Variants in GPC5 observed in about 807,000 individuals in gnomAD.
GPC5 encodes glypican 5.
Under a neutral mutation model 53.9 loss-of-function variants are expected in GPC5, and 47 were observed. That is an observed-to-expected ratio of 0.87 (90% CI 0.69 to 1.11). The LOEUF (loss-of-function observed/expected upper bound fraction) is 1.11. Among genes scored for constraint, GPC5 ranks in the 50% most tolerant of loss-of-function variants. The pLI is 0.00. For missense variants in GPC5, 748 were observed against 713.1 expected, an observed-to-expected ratio of 1.05 and a Z score of -0.56; for synonymous variants, 286 against 263.3, an observed-to-expected ratio of 1.09 and a Z score of -0.84.
At chr13:92,864,318 G>A (rs1879275633) in intron 7 of GPC5, among the ~76,000 whole-genome samples, 1 of 152,074 alleles carries the variant, frequency 6.6e-6, no homozygotes, top group African/African-American at 2.4e-5. Context: ...CTGATTGAAG[G>A]CAGAAAAGCT....
chr13:92,290,777 C>T (rs1308841553), intron 7 of GPC5, among the ~76,000 whole-genome samples: 1 of 152,204 alleles, frequency 6.6e-6, no homozygotes, highest in Non-Finnish European at 1.5e-5. Context: ...TCTGGGCTCC[C>T]ACTTTGGCGG....
At chr13:92,839,955 C>T (rs1439700136) in intron 7 of GPC5, among the ~76,000 whole-genome samples, 1 of 151,496 alleles carries the variant, frequency 6.6e-6, no homozygotes, top group East Asian at 1.9e-4. Flanking sequence ...AATCCCTCCA[C>T]AAATTTATTA....
intron 7 of GPC5, among the ~76,000 whole-genome samples, chr13:92,370,605 A>C (rs2043642330): frequency 1.3e-5 from 2 of 149,310 alleles, no homozygotes; most frequent in Admixed American, 6.6e-5. Flanking sequence ...AAATTAACTC[A>C]GAGTCACTTC....
At chr13:92,006,692 T>C (rs2138764839) in intron 6 of GPC5, among the ~76,000 whole-genome samples, 1 of 152,274 alleles carries the variant, frequency 6.6e-6, no homozygotes, top group East Asian at 1.9e-4. Context: ...AAGATGCTTG[T>C]ATTTCTCAGT....
At chr13:91,690,586 T>A (rs144956912) in intron 2 of GPC5, among the ~76,000 whole-genome samples, 2 of 152,224 alleles carry the variant, frequency 1.3e-5, no homozygotes, top group South Asian at 4.1e-4. Flanking sequence ...TAAATTACTT[T>A]GTAAAACATA....
intron 5 of GPC5, among the ~76,000 whole-genome samples, chr13:91,856,038 T>C (rs2038963584): frequency 3.3e-5 from 5 of 151,588 alleles, no homozygotes; most frequent in Admixed American, 3.3e-4. Flanking sequence ...TTGTCTGTTC[T>C]TGGACTTCAT....
chr13:91,519,673 T>C (rs1004657406), intron 2 of GPC5, among the ~76,000 whole-genome samples: 1 of 152,230 alleles, frequency 6.6e-6, no homozygotes. Flanking sequence ...GTCTCAGGTA[T>C]GTCTTTATAG....
At chr13:91,488,213 A>G (rs922238829) in intron 2 of GPC5, among the ~76,000 whole-genome samples, 5 of 152,168 alleles carry the variant, frequency 3.3e-5, no homozygotes, top group Non-Finnish European at 1.5e-5. Context: ...GTTTGATGTA[A>G]AACTGATGTT....
chr13:92,744,012 GGTGGCAGCGGTGGA>G (rs1220314299), intron 7 of GPC5, among the ~76,000 whole-genome samples: 1 of 152,074 alleles, frequency 6.6e-6, no homozygotes, highest in Non-Finnish European at 1.5e-5. Flanking sequence ...TGAGTAAAAT[GGTGGCAGCGGTGGA>G]GTGGCAGGGA....
intron 7 of GPC5, among the ~76,000 whole-genome samples, chr13:92,204,485 G>A (rs911164297): frequency 1.6e-4 from 25 of 152,084 alleles, no homozygotes; most frequent in Non-Finnish European, 1.5e-5. Flanking sequence ...CCCAGACTTC[G>A]GAAACCAACA....
At position 91,470,671 on chromosome 13, in the gene GPC5, C is replaced by T. The variant is rs115666164; in HGVS notation, c.325+21749C>T. On this transcript the variant is annotated intron_variant, in intron 2 of 7. Coordinates refer to ENST00000377067, the MANE Select transcript of GPC5 (RefSeq NM_004466.6). ...CCCTTTTTATCTCAGGCACCATAAC[C>T]TTGATACTATTTTAACTTACCTGTT... Among the ~76,000 whole-genome samples the T allele has an allele frequency of 6.8e-3, 1,037 of 152,184 alleles. 12 individuals are homozygous for T. Among genetic ancestry groups the T allele is most frequent in the African/African-American group, 0.019 (781 of 41,520 alleles).
intron 6 of GPC5, among the ~76,000 whole-genome samples, chr13:92,074,655 C>G (rs187117969): frequency 1.8e-4 from 27 of 152,180 alleles, no homozygotes; most frequent in African/African-American, 6.5e-4. Flanking sequence ...TATTGAGTAT[C>G]GTGAGACAAT....
At chr13:92,248,349 T>C (rs897956335) in intron 7 of GPC5, among the ~76,000 whole-genome samples, 1 of 152,140 alleles carries the variant, frequency 6.6e-6, no homozygotes, top group South Asian at 2.1e-4. Context: ...AAAGTTCAGA[T>C]GTGAAATAAA....
At chr13:92,207,813 T>A (rs1295013467) in intron 7 of GPC5, among the ~76,000 whole-genome samples, 1 of 152,252 alleles carries the variant, frequency 6.6e-6, no homozygotes, top group East Asian at 1.9e-4. Context: ...TCCAAGTTGG[T>A]GCAATATATT....
chr13:91,925,341 T>C (rs1033124020), intron 6 of GPC5, among the ~76,000 whole-genome samples: 4 of 152,224 alleles, frequency 2.6e-5, no homozygotes, highest in Admixed American at 6.5e-5. Flanking sequence ...AATTATCATA[T>C]ACTTAACTGT....
chr13:92,238,648 G>A (rs552526722), intron 7 of GPC5, among the ~76,000 whole-genome samples: 1 of 151,372 alleles, frequency 6.6e-6, no homozygotes, highest in Admixed American at 6.6e-5. Context: ...CCTTTCTCTG[G>A]GTTAACTTAC....
At chr13:91,936,319 G>A (rs570933923) in intron 6 of GPC5, among the ~76,000 whole-genome samples, 2 of 152,010 alleles carry the variant, frequency 1.3e-5, no homozygotes, top group Non-Finnish European at 2.9e-5. Flanking sequence ...TAGTGGGTAA[G>A]GAATGGGTAA....
chr13:92,286,060 C>T (rs2042951992), intron 7 of GPC5, among the ~76,000 whole-genome samples: 1 of 151,794 alleles, frequency 6.6e-6, no homozygotes, highest in East Asian at 1.9e-4. Context: ...AAAGCAACCC[C>T]AACAAGTGGG....
At chr13:91,466,248 A>G (rs192783618) in intron 2 of GPC5, among the ~76,000 whole-genome samples, 3 of 152,258 alleles carry the variant, frequency 2.0e-5, no homozygotes, top group Non-Finnish European at 2.9e-5. Flanking sequence ...ATAGGAGGTG[A>G]TGTGGGTCTC....
Sources: gnomAD v4.1 joint callset for allele counts (sites outside exome capture counted in the v4.1 genomes callset) on GRCh38, gnomAD v4.1.1 for gene constraint, MANE v1.5 for transcripts, NCBI Gene and HGNC (gene_info 2026-07-23, HGNC 2026-07-21) for gene names.